KIF26B: variants seen among roughly 807,000 people sequenced by gnomAD.
The protein encoded by KIF26B is kinesin family member 26B.
In KIF26B, 63 loss-of-function variants were observed where a neutral mutation model predicts 151.2. The observed-to-expected ratio is 0.42, with a 90% CI of 0.34 to 0.51. KIF26B has a LOEUF of 0.51. KIF26B is among the 20% of genes least tolerant of loss of function. The pLI is 0.07. For missense variants in KIF26B, 2,813 were observed against 2,913.6 expected (o/e 0.97, Z 0.79); for synonymous variants, 1,357 against 1,262.1 (o/e 1.08, Z -1.59).
At chr1:245,578,547 C>T (rs925802306) in intron 5 of KIF26B, among the ~76,000 whole-genome samples, 1 of 152,200 alleles carries the variant, frequency 6.6e-6, no homozygotes, top group African/African-American at 2.4e-5. Context: ...GTAATGAATG[C>T]CCCCAGGGTA....
intron 3 of KIF26B, among the ~76,000 whole-genome samples, chr1:245,410,161 C>A (rs938211656): frequency 2.0e-5 from 3 of 152,174 alleles, no homozygotes; most frequent in African/African-American, 7.2e-5. Context: ...GAGCTTAGCT[C>A]CTCTCTGAGT....
In KIF26B at chr1:245,564,040, A is replaced by G. The variant is rs997508210; in HGVS notation, c.1350+23090A>G. Among the ~76,000 whole-genome samples the G allele has an allele frequency of 6.6e-6, 1 of 152,138 alleles. No homozygotes were observed. The highest frequency in any genetic ancestry group is 1.5e-5 in the Non-Finnish European group (1 of 68,012). On this transcript the variant is annotated intron_variant, in intron 5 of 14. Coordinates refer to ENST00000407071, the MANE Select transcript of KIF26B (RefSeq NM_018012.4). The surrounding 1 kb of genome is among the most constrained non-coding windows in gnomAD (Gnocchi z 4.6). ...CATTTCGCAGCTAGATTGCTCGTGA[A>G]CAGCTAAGCAGGTCACGCTGAGCTC... is the stretch of plus-strand genomic sequence containing the variant.
intron 2 of KIF26B, among the ~76,000 whole-genome samples, chr1:245,289,437 CT>C (rs1348098838): frequency 3.3e-5 from 5 of 152,158 alleles, no homozygotes; most frequent in African/African-American, 1.2e-4. Context: ...ATTAGCTACC[CT>C]TTGCCTGATA....
chr1:245,607,719 G>T lies in KIF26B; in HGVS notation c.1626G>T (p.Val542=). 1 of 1,612,940 alleles carries T rather than the reference G, an allele frequency of 6.2e-7. No individual in the cohort carries two copies. The highest frequency in any genetic ancestry group is 2.2e-5 in the East Asian group (1 of 44,860). ...QSVVNGADGC[V]FCFGHAKLGK... ...TGGTCAACGGGGCAGATGGCTGCGTGTTCTGTTTCGGCCACGCCAAACTGG... is the reference window on the plus strand; with the variant it reads ...TGGTCAACGGGGCAGATGGCTGCGTTTTCTGTTTCGGCCACGCCAAACTGG... The change falls in exon 7 of 15, where the codon GTG becomes GTT. Residue 542 remains valine, a synonymous_variant. Coordinates refer to ENST00000407071, the MANE Select transcript of KIF26B (RefSeq NM_018012.4).
chr1:245,408,349 C>CTTTTTTTTTTTTTTTTTTTTTTTTTTTT (rs58724712), intron 3 of KIF26B, among the ~76,000 whole-genome samples: 3 of 113,334 alleles, frequency 2.6e-5, no homozygotes, highest in African/African-American at 3.1e-5. Flanking sequence ...TTAAATGATT[C>CTTTTTTTTTTTTTTTTTTTTTTTTTTTT]TTTTTTTTTT....
chr1:245,475,434 C>T (rs891860865), intron 4 of KIF26B, among the ~76,000 whole-genome samples: 3 of 151,556 alleles, frequency 2.0e-5, no homozygotes, highest in Non-Finnish European at 4.4e-5. Context: ...CATTCTGAGG[C>T]GGGTCCTGGT....
chr1:245,296,421 G>A (rs1671337680), intron 2 of KIF26B, among the ~76,000 whole-genome samples: 1 of 152,056 alleles, frequency 6.6e-6, no homozygotes, highest in South Asian at 2.1e-4. Context: ...AAGCAGAATA[G>A]TTCAGAGATG....
At chr1:245,434,198 C>T (rs1558164158) in intron 4 of KIF26B, among the ~76,000 whole-genome samples, 2 of 152,118 alleles carry the variant, frequency 1.3e-5, no homozygotes, top group East Asian at 3.9e-4. Context: ...ATTTTAGAGG[C>T]ACTTACTAGG....
At chr1:245,448,115 C>T (rs1659289132) in intron 4 of KIF26B, among the ~76,000 whole-genome samples, 1 of 152,284 alleles carries the variant, frequency 6.6e-6, no homozygotes, top group Admixed American at 6.5e-5. Flanking sequence ...TAGTAATGGC[C>T]CTTGCCAGAC....
At chr1:245,278,053 A>G (rs1002283677) in intron 2 of KIF26B, among the ~76,000 whole-genome samples, 4 of 152,144 alleles carry the variant, frequency 2.6e-5, no homozygotes, top group Non-Finnish European at 1.5e-5. Flanking sequence ...GAGTGAGTAA[A>G]AGTGGGCAGG....
intron 2 of KIF26B, among the ~76,000 whole-genome samples, chr1:245,335,914 G>A (rs556915949): frequency 1.3e-4 from 19 of 143,108 alleles, no homozygotes; most frequent in South Asian, 2.3e-4. Context: ...AGAGTCCCAC[G>A]CGGGGAGAGC....
chr1:245,639,673 C>T (rs1315146362), intron 9 of KIF26B, among the ~76,000 whole-genome samples: 10 of 151,838 alleles, frequency 6.6e-5, no homozygotes, highest in South Asian at 2.1e-4. Flanking sequence ...TTTCCATTTT[C>T]ATTTGTTTCA....
intron 4 of KIF26B, among the ~76,000 whole-genome samples, chr1:245,421,681 C>CTT: frequency 6.6e-6 from 1 of 152,054 alleles, no homozygotes. Context: ...CACAAGGCAA[C>CTT]CCAGAAGATT....
chr1:245,394,985 G>A (rs894737352), intron 3 of KIF26B, among the ~76,000 whole-genome samples: 2 of 152,092 alleles, frequency 1.3e-5, no homozygotes, highest in African/African-American at 2.4e-5. Flanking sequence ...GAGCCATCAC[G>A]CCCAGCCAAG....
intron 2 of KIF26B, among the ~76,000 whole-genome samples, chr1:245,197,938 C>CAAATA (rs1481177512): frequency 6.6e-6 from 1 of 152,174 alleles, no homozygotes; most frequent in Non-Finnish European, 1.5e-5. Context: ...CACATTTGAG[C>CAAATA]ATTTCTCAGT....
intron 3 of KIF26B, among the ~76,000 whole-genome samples, chr1:245,395,865 G>A (rs1407277935): frequency 6.6e-6 from 1 of 152,114 alleles, no homozygotes; most frequent in Non-Finnish European, 1.5e-5. Context: ...ATCCTTCCTT[G>A]GCTACTTCTA....
intron 4 of KIF26B, among the ~76,000 whole-genome samples, chr1:245,452,663 A>G (rs538991069): frequency 3.9e-5 from 6 of 152,138 alleles, no homozygotes; most frequent in African/African-American, 1.4e-4. Flanking sequence ...GTGGTATGTC[A>G]TGATTTTGAT....
At chr1:245,157,565 G>C (rs1668466685) in intron 2 of KIF26B, among the ~76,000 whole-genome samples, 1 of 152,250 alleles carries the variant, frequency 6.6e-6, no homozygotes, top group Non-Finnish European at 1.5e-5. Context: ...GACTGCGTCT[G>C]CTGGCCCAAC....
chr1:245,548,677 T>C (rs1661806503), intron 5 of KIF26B, among the ~76,000 whole-genome samples: 1 of 152,022 alleles, frequency 6.6e-6, no homozygotes, highest in Non-Finnish European at 1.5e-5. Flanking sequence ...TAAAAGATGA[T>C]TTGTTGTGGA....
Sources: allele counts gnomAD v4.1 joint callset (sites outside exome capture counted in the v4.1 genomes callset), GRCh38; gene constraint gnomAD v4.1.1; non-coding constraint Gnocchi (gnomAD v3.1); transcripts MANE v1.5; gene names NCBI Gene and HGNC (gene_info 2026-07-23, HGNC 2026-07-21).